Variants in CCBE1 observed in about 807,000 individuals in gnomAD.
The protein encoded by CCBE1 is collagen and calcium binding EGF domains 1.
A neutral mutation model predicts 50.0 loss-of-function variants in CCBE1; 37 were observed. The ratio of observed to expected loss-of-function variants is 0.74; its 90% CI spans 0.57 to 0.97. The LOEUF is 0.97. Among genes scored for constraint, CCBE1 ranks in the 50% least tolerant of loss-of-function variants. The pLI is 0.00. For missense variants in CCBE1, 538 were observed against 523.8 expected (o/e 1.03, Z -0.26); for synonymous variants, 234 against 203.7 (o/e 1.15, Z -1.27).
intron 2 of CCBE1, among the ~76,000 whole-genome samples, chr18:59,690,573 G>C (rs558023296): frequency 1.1e-4 from 17 of 152,264 alleles, no homozygotes; most frequent in African/African-American, 2.6e-4. Flanking sequence ...TGGCTTTTCC[G>C]GGTGCACCCA....
chr18:59,675,548 G>T (rs1053237888), intron 2 of CCBE1, among the ~76,000 whole-genome samples: 1 of 152,128 alleles, frequency 6.6e-6, no homozygotes, highest in Non-Finnish European at 1.5e-5. Flanking sequence ...ACAAAGCCAA[G>T]GAAGATAAGC....
chr18:59,628,840 TCA>T (rs1033446904), intron 2 of CCBE1, among the ~76,000 whole-genome samples: 3 of 152,124 alleles, frequency 2.0e-5, no homozygotes, highest in Non-Finnish European at 4.4e-5. Flanking sequence ...AACCAAAAAC[TCA>T]GAGCCATCCT....
At chr18:59,482,441 C>T (rs1245138860) in intron 2 of CCBE1, among the ~76,000 whole-genome samples, 1 of 152,190 alleles carries the variant, frequency 6.6e-6, no homozygotes, top group Non-Finnish European at 1.5e-5. Flanking sequence ...AATCCCATTA[C>T]TGTGTATATA....
At chr18:59,490,265 G>A (rs982412276) in intron 2 of CCBE1, among the ~76,000 whole-genome samples, 14 of 152,018 alleles carry the variant, frequency 9.2e-5, no homozygotes, top group African/African-American at 2.7e-4. Context: ...GATTACAGGC[G>A]TGAGCCACCA....
chr18:59,647,017 C>G (rs2054063926), intron 2 of CCBE1, among the ~76,000 whole-genome samples: 1 of 152,216 alleles, frequency 6.6e-6, no homozygotes, highest in Non-Finnish European at 1.5e-5. Context: ...GGATGGGAAC[C>G]TAAATTCCAG....
chr18:59,613,085 G>C (rs2053594376), intron 2 of CCBE1, among the ~76,000 whole-genome samples: 1 of 151,980 alleles, frequency 6.6e-6, no homozygotes, highest in Non-Finnish European at 1.5e-5. Context: ...GGTGGGGAGT[G>C]GGGTGGAAAG....
intron 2 of CCBE1, among the ~76,000 whole-genome samples, chr18:59,569,354 C>T (rs961186243): frequency 6.6e-6 from 1 of 152,190 alleles, no homozygotes; most frequent in South Asian, 2.1e-4. Flanking sequence ...GTAATAAAAA[C>T]AGATATTTTG....
intron 2 of CCBE1, among the ~76,000 whole-genome samples, chr18:59,524,998 C>T (rs1248610899): frequency 6.6e-6 from 1 of 152,070 alleles, no homozygotes; most frequent in Admixed American, 6.6e-5. Flanking sequence ...AGGGTTGATT[C>T]TGTGTCTTTG....
At chr18:59,526,262 T>C (rs1914814823) in intron 2 of CCBE1, among the ~76,000 whole-genome samples, 1 of 152,114 alleles carries the variant, frequency 6.6e-6, no homozygotes, top group South Asian at 2.1e-4. Flanking sequence ...TTGTTTGCTT[T>C]TGGTTTCCTA....
intron 2 of CCBE1, among the ~76,000 whole-genome samples, chr18:59,674,682 A>G (rs759381918): frequency 2.0e-5 from 3 of 152,232 alleles, no homozygotes; most frequent in East Asian, 1.9e-4. Context: ...CAAAATTAAT[A>G]TAAGTTATTA....
intron 2 of CCBE1, among the ~76,000 whole-genome samples, chr18:59,594,166 ATCC>A (rs2053316894): frequency 6.6e-6 from 1 of 152,200 alleles, no homozygotes; most frequent in South Asian, 2.1e-4. Context: ...TTGATTACCT[ATCC>A]TCCTCCTTAA....
chr18:59,437,022 TAA>T (rs1171373853), intron 10 of CCBE1, among the ~76,000 whole-genome samples: 1 of 152,214 alleles, frequency 6.6e-6, no homozygotes, highest in Non-Finnish European at 1.5e-5. Context: ...AAAATGTTTA[TAA>T]GATGGCTGAC....
chr18:59,583,945 T>A (rs1360192094), intron 2 of CCBE1, among the ~76,000 whole-genome samples: 1 of 152,154 alleles, frequency 6.6e-6, no homozygotes, highest in Non-Finnish European at 1.5e-5. Context: ...AGTGTGGCGA[T>A]TCCTCAGGGA....
At chr18:59,468,175 G>A (rs1911843844) in intron 4 of CCBE1, among the ~76,000 whole-genome samples, 1 of 152,146 alleles carries the variant, frequency 6.6e-6, no homozygotes, top group African/African-American at 2.4e-5. Flanking sequence ...GCTGAGCCCA[G>A]GAGTTCCAGG....
intron 2 of CCBE1, among the ~76,000 whole-genome samples, chr18:59,670,581 C>G (rs1019493503): frequency 2.6e-5 from 4 of 152,186 alleles, no homozygotes; most frequent in Admixed American, 6.5e-5. Context: ...ATGAAAGTTT[C>G]AAAGTGGACC....
chr18:59,577,637 G>A (rs2053018553), intron 2 of CCBE1, among the ~76,000 whole-genome samples: 1 of 152,200 alleles, frequency 6.6e-6, no homozygotes, highest in Admixed American at 6.5e-5. Context: ...ACAAACCGAT[G>A]CCTGTACATA....
In CCBE1 at chr18:59,676,081, C is replaced by T. The variant is rs80064950; in HGVS notation, c.212+20548G>A. Reference sequence around the variant, plus strand: ...AGCCCAGATGTCATCTTATAGCCCCCGTAAATTAGCTTTGACCAAACTGTA... The same window carrying T: ...AGCCCAGATGTCATCTTATAGCCCCTGTAAATTAGCTTTGACCAAACTGTA... On this transcript the variant is annotated intron_variant, in intron 2 of 10. Transcript: ENST00000439986. 3.3e-3 allele frequency among the ~76,000 whole-genome samples: 499 copies of T among 152,284 alleles called. 1 individual carries two copies. The highest frequency in any genetic ancestry group is 0.011 in the African/African-American group (457 of 41,552).
chr18:59,665,710 G>A (rs1480251549), intron 2 of CCBE1, among the ~76,000 whole-genome samples: 5 of 152,096 alleles, frequency 3.3e-5, no homozygotes, highest in Admixed American at 3.3e-4. Context: ...ACGGCTCCGA[G>A]GTGATGGATG....
intron 7 of CCBE1, among the ~76,000 whole-genome samples, chr18:59,441,239 G>A (rs906855881): frequency 6.6e-6 from 1 of 152,238 alleles, no homozygotes; most frequent in Non-Finnish European, 1.5e-5. Context: ...GCTGGGCACA[G>A]TGGCTCATGC....
Sources: gnomAD v4.1 joint callset for allele counts (sites outside exome capture counted in the v4.1 genomes callset) on GRCh38, gnomAD v4.1.1 for gene constraint, MANE v1.5 for transcripts, NCBI Gene and HGNC (gene_info 2026-07-23, HGNC 2026-07-21) for gene names.